RALGAPA1: variants seen among roughly 807,000 people sequenced by gnomAD.
RALGAPA1 encodes Ral GTPase activating protein catalytic subunit alpha 1.
In RALGAPA1, 52 loss-of-function variants were observed where a neutral mutation model predicts 269.6. That is an observed-to-expected ratio of 0.19 (90% CI 0.15 to 0.24). RALGAPA1 has a LOEUF of 0.24. RALGAPA1 is among the 10% of genes least tolerant of loss of function. The probability of loss-of-function intolerance (pLI) is 1.00; values close to 1 mark genes in which losing one functional copy is unlikely to be tolerated. For missense variants in RALGAPA1, 1,917 were observed against 3,013.9 expected, an observed-to-expected ratio of 0.64 and a Z score of 8.52; for synonymous variants, 817 against 1,008.3, an observed-to-expected ratio of 0.81 and a Z score of 3.60.
chr14:35,677,916 G>T lies in RALGAPA1; in HGVS notation c.4624+34C>A, dbSNP rs144164331. On this transcript the variant is annotated intron_variant, in intron 22 of 41. Coordinates refer to ENST00000680220, the MANE Select transcript of RALGAPA1 (RefSeq NM_001346249.2). ...ATCTCCTGACACTGACGCCCTAAAA[G>T]AAAAAAGGTAAATATCTAATTTTGA... 608 of 1,600,954 alleles carry T rather than the reference G, an allele frequency of 3.8e-4. 2 individuals are homozygous for T. The African/African-American group carries it at 7.5e-3, about 20-fold the overall frequency.
Position 35,634,561 on chromosome 14 carries a change from G to T in RALGAPA1, c.5995+13C>A. On this transcript the variant is annotated intron_variant, in intron 33 of 41. Coordinates refer to ENST00000680220, the MANE Select transcript of RALGAPA1 (RefSeq NM_001346249.2). ...CCAAGCAACAATATTGTCCTGAACA[G>T]AATTCATGTTACCTTCTGTTACTGG... is the stretch of plus-strand genomic sequence containing the variant. 1 of 1,605,724 alleles carries T rather than the reference G, an allele frequency of 6.2e-7. No individual in the cohort carries two copies. Among genetic ancestry groups the T allele is most frequent in the Non-Finnish European group, 8.5e-7 (1 of 1,176,004 alleles).
intron 4 of RALGAPA1, chr14:35,766,176 T>A: frequency 1.2e-6 from 1 of 852,316 alleles, no homozygotes; most frequent in Non-Finnish European, 2.0e-6. Flanking sequence ...AAACTATGGC[T>A]TAGTTTCCCA....
At chr14:35,542,969 T>C (rs887316384) in intron 41 of RALGAPA1, among the ~76,000 whole-genome samples, 2 of 152,364 alleles carry the variant, frequency 1.3e-5, no homozygotes, top group Middle Eastern at 3.4e-3. Flanking sequence ...TACTGTTTGG[T>C]GACAGGTATG....
At chr14:35,634,822 G>A in intron 32 of RALGAPA1, 65 bp from the exon 33 acceptor site, 2 of 1,400,894 alleles carry the variant, frequency 1.4e-6, no homozygotes, top group Non-Finnish European at 1.9e-6. Context: ...AAAGTTAAAG[G>A]AGGATAAAAA....
chr14:35,742,541 C>T lies in RALGAPA1; in HGVS notation c.1276G>A (p.Ala426Thr). 1 of 1,606,548 alleles carries T rather than the reference C, an allele frequency of 6.2e-7. No individual in the cohort carries two copies. The highest frequency in any genetic ancestry group is 1.1e-5 in the South Asian group (1 of 90,228). ...TTTACCACTTTTCTCATAGCTGCTG[C>T]TTCACAAATTGGTAATAAAAATGCC... ...RQAFLLPICE[A>T]AAMRKVVKVY... The change falls in exon 11 of 42, where the codon GCA (alanine) becomes ACA (threonine). Residue 426 changes from alanine to threonine, a missense_variant. Around this residue, in one of 11 missense-constraint regions of RALGAPA1, gnomAD observed 462 missense variants for 725.6 expected, o/e 0.64. Coordinates refer to ENST00000680220, the MANE Select transcript of RALGAPA1 (RefSeq NM_001346249.2).
At chr14:35,741,444 G>T (rs2071543238) in intron 11 of RALGAPA1, among the ~76,000 whole-genome samples, 1 of 151,416 alleles carries the variant, frequency 6.6e-6, no homozygotes, top group East Asian at 1.9e-4. Flanking sequence ...CTCTATGTTT[G>T]TGTGTATATA....
At chr14:35,684,851 G>A in intron 20 of RALGAPA1, 78 bp downstream of exon 20, 1 of 1,411,240 alleles carries the variant, frequency 7.1e-7, no homozygotes, top group South Asian at 1.4e-5. Flanking sequence ...GAAGGTGATG[G>A]CTACATAATC....
intron 39 of RALGAPA1, among the ~76,000 whole-genome samples, chr14:35,554,797 A>G (rs1344219173): frequency 2.0e-5 from 3 of 152,212 alleles, no homozygotes; most frequent in Non-Finnish European, 4.4e-5. Flanking sequence ...GTGGTTACAG[A>G]TAGTGGTGAG....
intron 33 of RALGAPA1, among the ~76,000 whole-genome samples, chr14:35,629,036 C>T (rs1183552869): frequency 1.3e-5 from 2 of 151,732 alleles, no homozygotes; most frequent in African/African-American, 4.8e-5. Flanking sequence ...GAGACAGTAA[C>T]GAGGTAAAGG....
intron 4 of RALGAPA1, among the ~76,000 whole-genome samples, chr14:35,770,092 A>G (rs1274356423): frequency 6.6e-6 from 1 of 152,192 alleles, no homozygotes; most frequent in Non-Finnish European, 1.5e-5. Flanking sequence ...TCAGGTATGG[A>G]AAGTTGGTTT....
chr14:35,643,600 A>G (rs1053890745), intron 31 of RALGAPA1, among the ~76,000 whole-genome samples: 1 of 152,238 alleles, frequency 6.6e-6, no homozygotes, highest in Non-Finnish European at 1.5e-5. Context: ...TTACTGCAGT[A>G]TTATTTACAA....
chr14:35,687,859 T>C (rs2066093417), intron 18 of RALGAPA1, among the ~76,000 whole-genome samples: 1 of 152,224 alleles, frequency 6.6e-6, no homozygotes, highest in Non-Finnish European at 1.5e-5. Context: ...GCCTACAGCA[T>C]GTTTGGAAAT....
chr14:35,567,181 T>C (rs970695645), intron 39 of RALGAPA1, among the ~76,000 whole-genome samples: 1 of 152,012 alleles, frequency 6.6e-6, no homozygotes, highest in African/African-American at 2.4e-5. Flanking sequence ...ATGTTTACTA[T>C]TTTCATCAAT....
chr14:35,663,378 A>C (rs2063682397), intron 27 of RALGAPA1, among the ~76,000 whole-genome samples: 1 of 152,088 alleles, frequency 6.6e-6, no homozygotes, highest in Non-Finnish European at 1.5e-5. Flanking sequence ...AACATTCCTA[A>C]CATAAACTGG....
intron 1 of RALGAPA1, among the ~76,000 whole-genome samples, chr14:35,787,963 C>G (rs1374836854): frequency 6.6e-6 from 1 of 151,836 alleles, no homozygotes; most frequent in East Asian, 1.9e-4. Context: ...GATTTCTACT[C>G]AGTTTTTTAT....
intron 35 of RALGAPA1, among the ~76,000 whole-genome samples, chr14:35,621,876 G>C (rs1372833663): frequency 6.6e-6 from 1 of 152,210 alleles, no homozygotes; most frequent in East Asian, 1.9e-4. Flanking sequence ...AGATGCTGGA[G>C]AGGATGTGGA....
intron 25 of RALGAPA1, among the ~76,000 whole-genome samples, chr14:35,672,417 A>G (rs910735996): frequency 1.3e-5 from 2 of 152,134 alleles, no homozygotes; most frequent in Admixed American, 1.3e-4. Context: ...AACTGTCACT[A>G]TGCCAATATA....
At chr14:35,621,175 C>A (rs886449799) in intron 35 of RALGAPA1, among the ~76,000 whole-genome samples, 1 of 152,044 alleles carries the variant, frequency 6.6e-6, no homozygotes, top group African/African-American at 2.4e-5. Flanking sequence ...TATAGACCAA[C>A]AGAACAGAAC....
intron 12 of RALGAPA1, among the ~76,000 whole-genome samples, chr14:35,730,543 C>T (rs972265224): frequency 3.3e-5 from 5 of 152,106 alleles, no homozygotes; most frequent in Admixed American, 6.6e-5. Context: ...GTTGTTAGGG[C>T]GGGCATGGTG....
Sources: gnomAD v4.1 joint callset for allele counts (sites outside exome capture counted in the v4.1 genomes callset) on GRCh38, gnomAD v4.1.1 for gene constraint, gnomAD v4.1.1 regional missense constraint, MANE v1.5 for transcripts, NCBI Gene and HGNC (gene_info 2026-07-23, HGNC 2026-07-21) for gene names.